MPPED2: variants seen among roughly 807,000 people sequenced by gnomAD.
MPPED2 encodes the protein metallophosphoesterase MPPED2.
A neutral mutation model predicts 33.0 loss-of-function variants in MPPED2; 5 were observed. That is an observed-to-expected ratio of 0.15 (90% confidence interval 0.08 to 0.32). The LOEUF is 0.32. Among genes scored for constraint, MPPED2 ranks in the 10% least tolerant of loss-of-function variants. MPPED2 has a pLI of 1.00. For synonymous variants in MPPED2, 136 were observed against 141.9 expected (o/e 0.96, Z 0.29); for missense variants, 275 against 372.1 (o/e 0.74, Z 2.15).
intron 4 of MPPED2, among the ~76,000 whole-genome samples, chr11:30,470,698 T>C (rs1950911804): frequency 6.6e-6 from 1 of 152,190 alleles, no homozygotes; most frequent in South Asian, 2.1e-4. Context: ...TATTTTTATC[T>C]ATATCCCCCA....
chr11:30,387,338 T>C (rs1323952979), exon 7 of MPPED2: 1 of 152,218 alleles, frequency 6.6e-6, no homozygotes, highest in Admixed American at 6.5e-5. Context: ...AACGTTTCAT[T>C]TCTTTGAAAC....
intron 2 of MPPED2, among the ~76,000 whole-genome samples, chr11:30,556,855 C>T (rs1250101544): frequency 6.6e-6 from 1 of 151,922 alleles, no homozygotes; most frequent in African/African-American, 2.4e-5. Context: ...TGACTGGTCT[C>T]CTTGTTCTAA....
chr11:30,534,816 T>C (rs930469568), intron 3 of MPPED2, among the ~76,000 whole-genome samples: 2 of 152,172 alleles, frequency 1.3e-5, no homozygotes, highest in African/African-American at 2.4e-5. Context: ...AGAGGAAAAA[T>C]TGTTATCAAT....
At chr11:30,402,452 G>A (rs1446585014) in intron 6 of MPPED2, among the ~76,000 whole-genome samples, 1 of 152,146 alleles carries the variant, frequency 6.6e-6, no homozygotes, top group Non-Finnish European at 1.5e-5. Context: ...GTGATGAGAA[G>A]TCCAGCTCTC....
intron 6 of MPPED2, among the ~76,000 whole-genome samples, chr11:30,399,337 T>C (rs1947879005): frequency 6.6e-6 from 1 of 152,168 alleles, no homozygotes; most frequent in Non-Finnish European, 1.5e-5. Context: ...AGCCTAAGAA[T>C]TGCCAAATTA....
At chr11:30,584,059 G>C (rs991869993) in intron 1 of MPPED2, 9 of 152,064 alleles carry the variant, frequency 5.9e-5, no homozygotes, top group African/African-American at 2.2e-4. Flanking sequence ...GGGTTTTTTT[G>C]GGGGAGGCTG....
intron 4 of MPPED2, among the ~76,000 whole-genome samples, chr11:30,478,773 A>G (rs1157448162): frequency 6.6e-6 from 1 of 152,176 alleles, no homozygotes; most frequent in Non-Finnish European, 1.5e-5. Context: ...ATTCAAATTT[A>G]GGCATGTCTT....
At chr11:30,480,628 A>G (rs10488821) in intron 4 of MPPED2, among the ~76,000 whole-genome samples, 44,886 of 151,964 alleles carry the variant, frequency 0.3, 7,154 homozygotes, top group African/African-American at 0.42. Context: ...TGCTCCTTGC[A>G]TATACTTCAA....
chr11:30,527,842 C>T (rs1222322), intron 3 of MPPED2, among the ~76,000 whole-genome samples: 14,446 of 152,206 alleles, frequency 0.095, 904 homozygotes, highest in African/African-American at 0.17. Context: ...GTAACAGAAC[C>T]TCAACAACAG....
At chr11:30,445,605 G>T (rs144331936) in intron 4 of MPPED2, among the ~76,000 whole-genome samples, 3 of 152,270 alleles carry the variant, frequency 2.0e-5, no homozygotes, top group African/African-American at 7.2e-5. Context: ...CGCATTAAAT[G>T]ATAACCCCCT....
At chr11:30,581,044 G>T (rs1957142597) in intron 1 of MPPED2, among the ~76,000 whole-genome samples, 1 of 152,108 alleles carries the variant, frequency 6.6e-6, no homozygotes, top group Non-Finnish European at 1.5e-5. Context: ...TTCACAAGCA[G>T]CTCCCAAAAT....
intron 2 of MPPED2, among the ~76,000 whole-genome samples, chr11:30,565,681 C>A (rs1402933597): frequency 2.0e-5 from 3 of 152,180 alleles, no homozygotes; most frequent in Admixed American, 6.5e-5. Flanking sequence ...AAACTTCCTG[C>A]CCCAAAAGTG....
At chr11:30,573,066 T>C (rs1213514098) in intron 2 of MPPED2, among the ~76,000 whole-genome samples, 1 of 152,182 alleles carries the variant, frequency 6.6e-6, no homozygotes, top group Non-Finnish European at 1.5e-5. Context: ...TCAAGAAGTC[T>C]ATTACTGTAT....
At chr11:30,523,240 T>C (rs1201115425) in intron 3 of MPPED2, among the ~76,000 whole-genome samples, 4 of 151,898 alleles carry the variant, frequency 2.6e-5, no homozygotes, top group East Asian at 3.9e-4. Flanking sequence ...GCCAGGAAAA[T>C]GGCATTCAAA....
At chr11:30,416,755 G>T (rs1178730416) in intron 5 of MPPED2, among the ~76,000 whole-genome samples, 2 of 152,170 alleles carry the variant, frequency 1.3e-5, no homozygotes, top group Non-Finnish European at 2.9e-5. Flanking sequence ...ATTTAGAAAG[G>T]GTCCTGGCAT....
At chr11:30,428,606 C>T (rs549474700) in intron 4 of MPPED2, among the ~76,000 whole-genome samples, 3 of 152,278 alleles carry the variant, frequency 2.0e-5, no homozygotes, top group East Asian at 1.9e-4. Flanking sequence ...CTTTGTAGTG[C>T]AATGATTAAG....
chr11:30,406,533 A>C (rs1243156865), downstream of MPPED2, among the ~76,000 whole-genome samples: 1 of 152,150 alleles, frequency 6.6e-6, no homozygotes, highest in South Asian at 2.1e-4. Context: ...TAAGAGGAGG[A>C]AGGTAGAGGG....
At chr11:30,558,351 C>T (rs1311249657) in intron 2 of MPPED2, among the ~76,000 whole-genome samples, 1 of 152,014 alleles carries the variant, frequency 6.6e-6, no homozygotes, top group Non-Finnish European at 1.5e-5. Flanking sequence ...AACTGCCTTA[C>T]TTATATGTAC....
intron 3 of MPPED2, 32 bp from the exon 4 acceptor site, chr11:30,495,553 C>T (rs201362682): frequency 1.7e-5 from 25 of 1,512,622 alleles, no homozygotes; most frequent in South Asian, 1.5e-4. Context: ...CCAATTAGCA[C>T]GTTCATTTCC....
Sources: gnomAD v4.1 joint callset for allele counts (sites outside exome capture counted in the v4.1 genomes callset) on GRCh38, gnomAD v4.1.1 for gene constraint, MANE v1.5 for transcripts, NCBI Gene and HGNC (gene_info 2026-07-23, HGNC 2026-07-21) for gene names.